Variants in RABGAP1L observed in about 807,000 individuals in gnomAD.
The protein encoded by RABGAP1L is RAB GTPase activating protein 1 like, also known as rab GTPase-activating protein 1-like.
In RABGAP1L, 63 loss-of-function variants were observed where a neutral mutation model predicts 137.7. The observed-to-expected ratio is 0.46, with a 90% CI of 0.37 to 0.56. The LOEUF is 0.56. RABGAP1L is among the 20% of genes least tolerant of loss of function. The pLI is 0.00. For missense variants in RABGAP1L, 1,095 were observed against 1,244.0 expected, an observed-to-expected ratio of 0.88 and a Z score of 1.80; for synonymous variants, 431 against 433.7, an observed-to-expected ratio of 0.99 and a Z score of 0.08.
In RABGAP1L at chr1:174,362,594, G is replaced by A. The variant is rs546728800; in HGVS notation, c.1466-8385G>A. 2.0e-5 allele frequency among the ~76,000 whole-genome samples: 3 copies of A among 152,176 alleles called. 1 individual carries two copies. The highest frequency in any genetic ancestry group is 7.2e-5 in the African/African-American group (3 of 41,544). ...GTATGTCTTTTTTTGAGAGATGTTC[G>A]TTCATGTCCTTTGCCCACTTTTTAA... is the stretch of plus-strand genomic sequence containing the variant. On this transcript the variant is annotated intron_variant, in intron 11 of 25. Transcript: ENST00000681986.
intron 13 of RABGAP1L, among the ~76,000 whole-genome samples, chr1:174,495,939 C>G (rs951026091): frequency 6.6e-6 from 1 of 152,118 alleles, no homozygotes; most frequent in Non-Finnish European, 1.5e-5. Flanking sequence ...AGGTTGCTCT[C>G]GAACCCTGGA....
At chr1:174,615,405 C>G (rs892335456) in intron 13 of RABGAP1L, among the ~76,000 whole-genome samples, 2 of 152,180 alleles carry the variant, frequency 1.3e-5, no homozygotes, top group Non-Finnish European at 2.9e-5. Flanking sequence ...TCGTGAACCA[C>G]AAATGCTGCT....
At chr1:174,226,016 A>C (rs1004852858) in intron 3 of RABGAP1L, among the ~76,000 whole-genome samples, 1 of 152,114 alleles carries the variant, frequency 6.6e-6, no homozygotes, top group African/African-American at 2.4e-5. Context: ...GGCTAGTGGT[A>C]GAACTGGGAG....
At chr1:174,205,510 C>T (rs1485946369) in intron 1 of RABGAP1L, among the ~76,000 whole-genome samples, 1 of 151,952 alleles carries the variant, frequency 6.6e-6, no homozygotes, top group Admixed American at 6.6e-5. Context: ...CTGGTTCAGT[C>T]TTGGGAGGAC....
chr1:174,713,454 G>A (rs1307229450), intron 17 of RABGAP1L, among the ~76,000 whole-genome samples: 1 of 152,216 alleles, frequency 6.6e-6, no homozygotes, highest in Admixed American at 6.5e-5. Flanking sequence ...GATGGGGGCA[G>A]ATCTTTCATG....
chr1:174,755,211 T>G (rs769246144), intron 18 of RABGAP1L, among the ~76,000 whole-genome samples: 10 of 152,224 alleles, frequency 6.6e-5, no homozygotes, highest in Non-Finnish European at 1.0e-4. Context: ...AACTTCTTTT[T>G]GGTTAGTAAT....
intron 6 of RABGAP1L, among the ~76,000 whole-genome samples, chr1:174,251,034 C>T (rs1672671857): frequency 6.6e-6 from 1 of 152,228 alleles, no homozygotes; most frequent in African/African-American, 2.4e-5. Context: ...CTCCTGACCT[C>T]AGGTGATCTG....
In RABGAP1L at chr1:174,761,695, T is replaced by G. The variant is rs1286975360; in HGVS notation, c.2211+9341T>G. On this transcript the variant is annotated intron_variant, in intron 18 of 25. Coordinates refer to ENST00000681986, the MANE Select transcript of RABGAP1L (RefSeq NM_001366446.1). This position sits in a 1 kb window ranked among gnomAD's most constrained non-coding sequence, Gnocchi z 4.0. ...TCCTCACTTCCCAGACGGTGGAAAC[T>G]CCCGTTTTTAAAACATCAGATCTCA... Among the ~76,000 whole-genome samples the G allele has an allele frequency of 1.3e-5, 2 of 152,054 alleles. No homozygotes were observed. The highest frequency in any genetic ancestry group is 2.9e-5 in the Non-Finnish European group (2 of 68,010).
At chr1:174,327,589 G>T (rs1302285281) in intron 11 of RABGAP1L, among the ~76,000 whole-genome samples, 1 of 151,936 alleles carries the variant, frequency 6.6e-6, no homozygotes, top group East Asian at 1.9e-4. Context: ...AGGAACAAAG[G>T]TTCTGCAAAA....
chr1:174,377,488 A>C lies in RABGAP1L; in HGVS notation c.1559+6416A>C, dbSNP rs1685649056. Among the ~76,000 whole-genome samples the C allele has an allele frequency of 2.0e-5, 3 of 152,228 alleles. No homozygotes were observed. The South Asian group carries it at 6.2e-4, about 31-fold the overall frequency. On this transcript the variant is annotated intron_variant, in intron 12 of 25. Coordinates refer to ENST00000681986, the MANE Select transcript of RABGAP1L (RefSeq NM_001366446.1). ...ACAGTAGTCAAAAGAGTATTGATACAAGGATAGACACTGAGATTAGTGGCA... is the reference window on the plus strand; with the variant it reads ...ACAGTAGTCAAAAGAGTATTGATACCAGGATAGACACTGAGATTAGTGGCA...
At chr1:174,881,873 T>C (rs1654283718) in intron 19 of RABGAP1L, among the ~76,000 whole-genome samples, 1 of 152,162 alleles carries the variant, frequency 6.6e-6, no homozygotes, top group African/African-American at 2.4e-5. Context: ...TTTGTTTTTT[T>C]GTTTTGAGAT....
intron 1 of RABGAP1L, among the ~76,000 whole-genome samples, chr1:174,165,562 C>T (rs931114925): frequency 6.6e-6 from 1 of 151,668 alleles, no homozygotes; most frequent in African/African-American, 2.4e-5. Flanking sequence ...GCTGTGGTGC[C>T]ATCACAGCTC....
chr1:174,584,275 A>G (rs1469624387), intron 13 of RABGAP1L, among the ~76,000 whole-genome samples: 1 of 152,152 alleles, frequency 6.6e-6, no homozygotes. Context: ...TATCTCTGAG[A>G]TCTGTACAAT....
chr1:174,921,264 A>C (rs1180846697), intron 19 of RABGAP1L, among the ~76,000 whole-genome samples: 5 of 152,140 alleles, frequency 3.3e-5, no homozygotes, highest in African/African-American at 9.7e-5. Context: ...GCGAACTAAT[A>C]ACGTCACTAA....
intron 13 of RABGAP1L, among the ~76,000 whole-genome samples, chr1:174,521,012 T>C (rs965022851): frequency 1.3e-5 from 2 of 152,128 alleles, no homozygotes; most frequent in Admixed American, 6.6e-5. Context: ...AAAAACAGTG[T>C]TTTAGTTTCA....
At chr1:174,491,398 A>G in intron 13 of RABGAP1L, among the ~76,000 whole-genome samples, 1 of 151,984 alleles carries the variant, frequency 6.6e-6, no homozygotes, top group East Asian at 1.9e-4. Context: ...GGGGTCTCAC[A>G]ACATTGTCTG....
At chr1:174,539,325 G>A (rs1046694825) in intron 13 of RABGAP1L, among the ~76,000 whole-genome samples, 1 of 150,530 alleles carries the variant, frequency 6.6e-6, no homozygotes, top group Non-Finnish European at 1.5e-5. Context: ...TAAGTTCTAG[G>A]GTACATGTGC....
chr1:174,987,608 A>C (rs1671705597), intron 24 of RABGAP1L, among the ~76,000 whole-genome samples: 1 of 152,180 alleles, frequency 6.6e-6, no homozygotes, highest in South Asian at 2.1e-4. Flanking sequence ...GTGTGTGTGA[A>C]GAGAGGAGGA....
At chr1:174,511,564 T>C (rs780623348) in intron 13 of RABGAP1L, among the ~76,000 whole-genome samples, 2 of 152,082 alleles carry the variant, frequency 1.3e-5, no homozygotes, top group Non-Finnish European at 1.5e-5. Flanking sequence ...ATTTTGACTC[T>C]ATCAATCTAT....
Sources: gnomAD v4.1 joint callset for allele counts (sites outside exome capture counted in the v4.1 genomes callset) on GRCh38, gnomAD v4.1.1 for gene constraint, Gnocchi (gnomAD v3.1) non-coding constraint, MANE v1.5 for transcripts, NCBI Gene and HGNC (gene_info 2026-07-23, HGNC 2026-07-21) for gene names.